PKHD1: variants seen among roughly 807,000 people sequenced by gnomAD.
PKHD1 encodes fibrocystin.
Under a neutral mutation model 412.0 loss-of-function variants are expected in PKHD1, and 291 were observed. That is an observed-to-expected ratio of 0.71 (90% confidence interval 0.64 to 0.78). The LOEUF (loss-of-function observed/expected upper bound fraction) is 0.78, where lower values mean the gene tolerates loss of function less well. Ranked by LOEUF, PKHD1 falls within the 30% of genes least tolerant of loss-of-function variation. PKHD1 has a pLI of 0.00. For synonymous variants in PKHD1, 1,777 were observed against 1,821.5 expected, an observed-to-expected ratio of 0.98 and a Z score of 0.62; for missense variants, 4,825 against 4,950.7, an observed-to-expected ratio of 0.97 and a Z score of 0.76.
intron 37 of PKHD1, among the ~76,000 whole-genome samples, chr6:51,926,378 A>G (rs1426005149): frequency 1.3e-5 from 2 of 152,024 alleles, no homozygotes; most frequent in Admixed American, 1.3e-4. Context: ...CAAGTTTTTT[A>G]TTTTCAGTTA....
At chr6:51,708,973 A>G (rs1780334495) in intron 60 of PKHD1, among the ~76,000 whole-genome samples, 1 of 152,236 alleles carries the variant, frequency 6.6e-6, no homozygotes, top group Admixed American at 6.5e-5. Context: ...TGGCCCTTCT[A>G]GCCCAAAACA....
chr6:52,014,500 C>CATGGATGGATGG (rs559212704), intron 34 of PKHD1, among the ~76,000 whole-genome samples: 12 of 151,572 alleles, frequency 7.9e-5, no homozygotes, highest in Non-Finnish European at 1.5e-4. Flanking sequence ...ATGGATGGAT[C>CATGGATGGATGG]ATGGATGGAT....
At chr6:51,971,388 G>A (rs1203184775) in intron 35 of PKHD1, among the ~76,000 whole-genome samples, 2 of 152,100 alleles carry the variant, frequency 1.3e-5, no homozygotes, top group Non-Finnish European at 2.9e-5. Flanking sequence ...AAGAAAGGTG[G>A]GATGCCAGTG....
In PKHD1 at chr6:51,873,688, G is replaced by A. The variant is rs548794490; in HGVS notation, c.7351-3049C>T. ...AGGAAAGAAGCTAAAGGAGTTTAAT[G>A]TCCTTGCATTACTTATGTAAAGTTT... On this transcript the variant is annotated intron_variant, in intron 46 of 66. Coordinates refer to ENST00000371117, the MANE Select transcript of PKHD1 (RefSeq NM_138694.4). Among the ~76,000 whole-genome samples, 338 of 152,302 alleles carry A rather than the reference G, an allele frequency of 2.2e-3. 1 individual carries two copies. The highest frequency in any genetic ancestry group is 7.5e-3 in the African/African-American group (311 of 41,564).
At chr6:51,900,897 GC>G (rs1325689183) in intron 43 of PKHD1, among the ~76,000 whole-genome samples, 2 of 152,178 alleles carry the variant, frequency 1.3e-5, no homozygotes, top group African/African-American at 2.4e-5. Context: ...CATTTATGGA[GC>G]CAAAAAACAC....
At chr6:51,994,138 C>CTT (rs34571890) in intron 35 of PKHD1, among the ~76,000 whole-genome samples, 1,553 of 143,898 alleles carry the variant, frequency 0.011, 14 homozygotes, top group Non-Finnish European at 0.013. Flanking sequence ...TTTTTTCTTT[C>CTT]TTTTTTTTTT....
chr6:52,043,380 T>C (rs1036356652), intron 26 of PKHD1, among the ~76,000 whole-genome samples: 5 of 152,170 alleles, frequency 3.3e-5, no homozygotes, highest in African/African-American at 1.2e-4. Context: ...AAGAACATAA[T>C]ATTTCAAAAT....
chr6:51,855,875 A>C lies in PKHD1; in HGVS notation c.7911+18T>G. The C allele has an allele frequency of 6.3e-7, 1 of 1,590,026 alleles. No individual in the cohort carries two copies. ...AAATGAGAATGCAGCATACCAACTA[A>C]TGGATTCCTTGGGTTACCTGCAGAG... On this transcript the variant is annotated intron_variant, in intron 49 of 66. Coordinates refer to ENST00000371117, the MANE Select transcript of PKHD1 (RefSeq NM_138694.4).
intron 36 of PKHD1, among the ~76,000 whole-genome samples, chr6:51,953,371 C>T (rs1790649742): frequency 6.6e-6 from 1 of 152,014 alleles, no homozygotes; most frequent in Non-Finnish European, 1.5e-5. Context: ...TTTATCCTAA[C>T]TGGTAGCTAT....
intron 60 of PKHD1, among the ~76,000 whole-genome samples, chr6:51,674,182 T>G (rs919571666): frequency 1.1e-4 from 17 of 152,208 alleles, no homozygotes; most frequent in African/African-American, 3.9e-4. Context: ...CTTAAGGAGA[T>G]CTTATGTGGC....
intron 46 of PKHD1, 22 bp from the exon 47 acceptor site, chr6:51,870,661 G>C (rs766963484): frequency 8.2e-6 from 13 of 1,593,898 alleles, no homozygotes; most frequent in Non-Finnish European, 1.1e-5. Flanking sequence ...AAGAAAAAAA[G>C]ATGAAAGCAA....
intron 60 of PKHD1, among the ~76,000 whole-genome samples, chr6:51,739,066 TTTATA>T (rs1469468934): frequency 6.8e-6 from 1 of 147,808 alleles, no homozygotes; most frequent in Non-Finnish European, 1.5e-5. Context: ...ATATACGTAT[TTTATA>T]TATTTTTTAT....
chr6:51,989,991 T>G (rs1048227252), intron 35 of PKHD1, among the ~76,000 whole-genome samples: 4 of 82,482 alleles, frequency 4.8e-5, no homozygotes, highest in African/African-American at 1.7e-4. Context: ...AAGGGAGAGA[T>G]ACAGCAATTT....
At chr6:52,075,762 G>A (rs933582103) in intron 6 of PKHD1, among the ~76,000 whole-genome samples, 2 of 152,138 alleles carry the variant, frequency 1.3e-5, no homozygotes, top group Admixed American at 1.3e-4. Flanking sequence ...CTGGCTGTCT[G>A]GTTCAAATCT....
chr6:51,674,858 AG>A (rs1351796336), intron 60 of PKHD1, among the ~76,000 whole-genome samples: 1 of 152,320 alleles, frequency 6.6e-6, no homozygotes, highest in Non-Finnish European at 1.5e-5. Context: ...ATACTATCCC[AG>A]GAGTATAAAG....
At chr6:51,691,587 T>C (rs532455008) in intron 60 of PKHD1, among the ~76,000 whole-genome samples, 76 of 152,208 alleles carry the variant, frequency 5.0e-4, no homozygotes, top group African/African-American at 1.4e-3. Flanking sequence ...TTCTCACTTA[T>C]AAGTGGAAGC....
At chr6:52,072,299 G>T in intron 7 of PKHD1, 110 bp from the exon 8 acceptor site, 1 of 756,236 alleles carries the variant, frequency 1.3e-6, no homozygotes, top group Non-Finnish European at 2.3e-6. Flanking sequence ...ACTCTCCTCT[G>T]GATTTTTCTG....
chr6:51,691,781 C>T (rs552647270), intron 60 of PKHD1, among the ~76,000 whole-genome samples: 1 of 152,236 alleles, frequency 6.6e-6, no homozygotes, highest in Admixed American at 6.5e-5. Flanking sequence ...ATGTAAAAAA[C>T]CTGCACTTGT....
At chr6:51,924,521 G>A (rs541441999) in intron 37 of PKHD1, among the ~76,000 whole-genome samples, 82 of 152,288 alleles carry the variant, frequency 5.4e-4, no homozygotes, top group Middle Eastern at 6.8e-3. Context: ...GTTTTTAAAA[G>A]ATCAACTTGG....
Sources: gnomAD v4.1 joint callset for allele counts (sites outside exome capture counted in the v4.1 genomes callset) on GRCh38, gnomAD v4.1.1 for gene constraint, MANE v1.5 for transcripts, NCBI Gene and HGNC (gene_info 2026-07-23, HGNC 2026-07-21) for gene names.